Variants in CCDC178 observed in about 807,000 individuals in gnomAD.
CCDC178 encodes the protein coiled-coil domain-containing protein 178.
A neutral mutation model predicts 117.4 loss-of-function variants in CCDC178; 126 were observed. The observed-to-expected ratio is 1.07, with a 90% CI of 0.93 to 1.24. The LOEUF (loss-of-function observed/expected upper bound fraction) is 1.24, where lower values mean the gene tolerates loss of function less well. Ranked by LOEUF, CCDC178 falls within the 50% of genes most tolerant of loss-of-function variation. CCDC178 has a pLI of 0.00. For missense variants in CCDC178, 1,030 were observed against 986.9 expected (o/e 1.04, Z -0.59); for synonymous variants, 283 against 313.4 (o/e 0.90, Z 1.02).
chr18:33,289,540 T>A (rs1485895163), intron 12 of CCDC178, among the ~76,000 whole-genome samples: 1 of 151,872 alleles, frequency 6.6e-6, no homozygotes, highest in Non-Finnish European at 1.5e-5. Context: ...CTTGAACCCA[T>A]GAGGCAGAGG....
At chr18:33,201,791 T>C (rs1218806681) in intron 20 of CCDC178, among the ~76,000 whole-genome samples, 5 of 152,160 alleles carry the variant, frequency 3.3e-5, no homozygotes, top group Admixed American at 6.5e-5. Flanking sequence ...CCTTAAATTT[T>C]CCAGTCTCCC....
chr18:33,080,984 A>C (rs2057288035), intron 21 of CCDC178, among the ~76,000 whole-genome samples: 1 of 152,198 alleles, frequency 6.6e-6, no homozygotes, highest in Non-Finnish European at 1.5e-5. Context: ...AGCCCATAAA[A>C]GGAAAAAGAA....
intron 21 of CCDC178, among the ~76,000 whole-genome samples, chr18:33,072,019 C>T (rs1233532911): frequency 6.6e-6 from 1 of 151,990 alleles, no homozygotes; most frequent in Non-Finnish European, 1.5e-5. Flanking sequence ...ACTGCCTATA[C>T]TCCACAGGAA....
At chr18:32,966,779 G>GGT (rs1434163844) in intron 22 of CCDC178, among the ~76,000 whole-genome samples, 3 of 151,680 alleles carry the variant, frequency 2.0e-5, no homozygotes, top group Admixed American at 1.3e-4. Context: ...TTGATATCTA[G>GGT]GTATATATAT....
chr18:33,383,850 G>T (rs1376569627), intron 5 of CCDC178, among the ~76,000 whole-genome samples: 1 of 152,118 alleles, frequency 6.6e-6, no homozygotes, highest in African/African-American at 2.4e-5. Flanking sequence ...ACAGAATGGG[G>T]CCGAAGCTGA....
chr18:33,179,560 T>C (rs543300146), intron 20 of CCDC178, among the ~76,000 whole-genome samples: 2 of 152,090 alleles, frequency 1.3e-5, no homozygotes, highest in African/African-American at 4.8e-5. Flanking sequence ...AACTAATGTC[T>C]CTCTCTGTCA....
intron 21 of CCDC178, among the ~76,000 whole-genome samples, chr18:32,977,248 C>T (rs928006531): frequency 6.6e-6 from 1 of 152,100 alleles, no homozygotes; most frequent in Non-Finnish European, 1.5e-5. Flanking sequence ...AACCATGATG[C>T]CATATCAGTT....
At chr18:33,097,332 G>A (rs563311303) in intron 20 of CCDC178, among the ~76,000 whole-genome samples, 27 of 152,248 alleles carry the variant, frequency 1.8e-4, no homozygotes, top group Non-Finnish European at 2.6e-4. Context: ...TCAATTGTGA[G>A]TGAGTGAGTC....
chr18:33,421,029 G>T (rs1185464207), intron 2 of CCDC178, among the ~76,000 whole-genome samples: 1 of 152,118 alleles, frequency 6.6e-6, no homozygotes, highest in Non-Finnish European at 1.5e-5. Context: ...TGTGGAAGTG[G>T]GAGGGAGTCT....
At chr18:33,389,516 A>G (rs775424379) in intron 5 of CCDC178, 24 bp downstream of exon 5, 10 of 1,180,746 alleles carry the variant, frequency 8.5e-6, no homozygotes, top group South Asian at 5.6e-5. Flanking sequence ...ATAGTTTACT[A>G]TATGATTTAC....
rs144810351 is a variant in CCDC178, at chr18:32,982,841, G to A, written c.2389-8160C>T. ...CCAGGATAAATTAGCAGAGCACACA[G>A]GGTTTTTAGGGCGGTGAAAATATTT... On this transcript the variant is annotated intron_variant, in intron 21 of 22. Transcript: ENST00000383096. 4.7e-3 allele frequency among the ~76,000 whole-genome samples: 711 copies of A among 152,094 alleles called. 6 individuals carry two copies. Among genetic ancestry groups the A allele is most frequent in the African/African-American group, 0.015 (642 of 41,424 alleles).
chr18:33,284,085 CAAG>C (rs1398570949), intron 12 of CCDC178, among the ~76,000 whole-genome samples: 1 of 152,102 alleles, frequency 6.6e-6, no homozygotes, highest in Non-Finnish European at 1.5e-5. Flanking sequence ...ATAAAAAGAA[CAAG>C]ATTATGTACT....
At chr18:33,143,584 A>G (rs961258583) in intron 20 of CCDC178, among the ~76,000 whole-genome samples, 11 of 152,146 alleles carry the variant, frequency 7.2e-5, no homozygotes, top group African/African-American at 2.7e-4. Context: ...TGAAGTCTGT[A>G]GTGAAATAAT....
At chr18:33,297,937 G>C (rs2062126588) in intron 11 of CCDC178, among the ~76,000 whole-genome samples, 1 of 152,178 alleles carries the variant, frequency 6.6e-6, no homozygotes, top group African/African-American at 2.4e-5. Flanking sequence ...AGCTACTCGG[G>C]AGGCTGAGGC....
At chr18:33,186,456 T>A (rs754234777) in intron 20 of CCDC178, among the ~76,000 whole-genome samples, 4 of 152,072 alleles carry the variant, frequency 2.6e-5, no homozygotes, top group Non-Finnish European at 4.4e-5. Context: ...TTTTCTTACA[T>A]GTGTAGTGAC....
intron 21 of CCDC178, among the ~76,000 whole-genome samples, chr18:33,066,279 A>G (rs1300748549): frequency 6.6e-6 from 1 of 152,184 alleles, no homozygotes; most frequent in Non-Finnish European, 1.5e-5. Flanking sequence ...TCTGAAAGTA[A>G]AAGGATGATA....
chr18:33,337,417 G>A (rs1246673663), intron 9 of CCDC178, among the ~76,000 whole-genome samples: 2 of 151,948 alleles, frequency 1.3e-5, no homozygotes, highest in Non-Finnish European at 2.9e-5. Flanking sequence ...TTGTCTGATT[G>A]CTCTGGCTAG....
intron 2 of CCDC178, among the ~76,000 whole-genome samples, chr18:33,425,653 G>C (rs1212066436): frequency 6.6e-6 from 1 of 152,150 alleles, no homozygotes; most frequent in Non-Finnish European, 1.5e-5. Context: ...TTGTTGCTGG[G>C]AAGTCAGGAT....
chr18:33,108,936 A>G (rs926395876), intron 20 of CCDC178, among the ~76,000 whole-genome samples: 1 of 151,774 alleles, frequency 6.6e-6, no homozygotes, highest in East Asian at 1.9e-4. Context: ...TATCCCCTCC[A>G]GTTATCAAGG....
Sources: gnomAD v4.1 joint callset for allele counts (sites outside exome capture counted in the v4.1 genomes callset) on GRCh38, gnomAD v4.1.1 for gene constraint, MANE v1.5 for transcripts, NCBI Gene and HGNC (gene_info 2026-07-23, HGNC 2026-07-21) for gene names.